Variants in CA6 observed in about 807,000 individuals in gnomAD.
The protein encoded by CA6 is carbonic anhydrase 6.
CA6 carries 28 observed loss-of-function variants against 35.9 expected under a neutral mutation model. The ratio of observed to expected loss-of-function variants is 0.78; its 90% CI spans 0.58 to 1.07. CA6 has a LOEUF of 1.07. CA6 is among the 50% of genes least tolerant of loss of function. The pLI is 0.00. For synonymous variants in CA6, 148 were observed against 152.6 expected (o/e 0.97, Z 0.22); for missense variants, 377 against 382.0 (o/e 0.99, Z 0.11).
chr1:8,960,785 C>T (rs993702107), intron 4 of CA6, among the ~76,000 whole-genome samples: 1,809 of 98,140 alleles, frequency 0.018, 29 homozygotes, highest in Middle Eastern at 0.039. Context: ...CACACACACA[C>T]ACACATATAT....
At chr1:8,955,119 A>G (rs546938269) in intron 2 of CA6, among the ~76,000 whole-genome samples, 6 of 151,896 alleles carry the variant, frequency 4.0e-5, no homozygotes, top group Admixed American at 3.3e-4. Flanking sequence ...GCTCACCTAT[A>G]ATCCCAGCAC....
Position 8,948,659 on chromosome 1 carries a change from A to G in CA6, c.80-604A>G, listed in dbSNP as rs145843404. Among the ~76,000 whole-genome samples the G allele has an allele frequency of 7.5e-4, 114 of 152,076 alleles. 3 individuals carry two copies. In the East Asian group the frequency reaches 0.019, roughly 25 times the overall value. On this transcript the variant is annotated intron_variant, in intron 1 of 7. Coordinates refer to ENST00000377443, the MANE Select transcript of CA6 (RefSeq NM_001215.4). ...ACCAGCTGGAAATAAGTCAAACGAG[A>G]GCAAAAATTTACGTATAAAACACTC...
intron 2 of CA6, among the ~76,000 whole-genome samples, chr1:8,954,094 A>T (rs1407596710): frequency 6.6e-6 from 1 of 152,142 alleles, no homozygotes; most frequent in Non-Finnish European, 1.5e-5. Flanking sequence ...TAATTAAGAC[A>T]TAACCATAAA....
At position 8,958,991 on chromosome 1, in the gene CA6, G is replaced by A. The variant is rs1370719677; in HGVS notation, c.490G>A (p.Ala164Thr). The A allele has an allele frequency of 6.2e-7, 1 of 1,607,786 alleles. No individual in the cohort carries two copies. The highest frequency in any genetic ancestry group is 8.5e-7 in the Non-Finnish European group (1 of 1,174,520). ...DAPDGLAVLA[A>T]FVEVKNYPEN... Reference sequence around the variant, plus strand: ...GCCGGATGGTTTGGCTGTACTGGCAGCCTTCGTTGAGGTAAGCAGAAACTA... The same window carrying A: ...GCCGGATGGTTTGGCTGTACTGGCAACCTTCGTTGAGGTAAGCAGAAACTA... Residue 164 changes from alanine (A) to threonine (T), a missense_variant, in exon 4 of 8, where the codon GCC (alanine) becomes ACC (threonine). Physicochemically the swap from Ala to Thr is moderately conservative, Grantham distance 58. Transcript: ENST00000377443.
rs762308861 is a variant in CA6, at chr1:8,967,850, C to T, written c.729+34C>T. The T allele has an allele frequency of 2.5e-6, 4 of 1,600,390 alleles. No individual in the cohort carries two copies. The Admixed American group carries it at 6.8e-5, about 27-fold the overall frequency. On this transcript the variant is annotated intron_variant, in intron 6 of 7. Transcript: ENST00000377443. ...TGGTATCACTTTGCCGAAGTCTTCC[C>T]ATTCGATTGCCTGGTTAACAAGGGT...
In CA6 at chr1:8,963,429, G is replaced by A. The variant is rs1639895016; in HGVS notation, c.571+773G>A. ...CCTCCACCCCTCCACAAACTCACCT[G>A]GCAAATCTCCAGACCAACTCTGGAG... is the stretch of plus-strand genomic sequence containing the variant. On this transcript the variant is annotated intron_variant, in intron 5 of 7. Coordinates refer to ENST00000377443, the MANE Select transcript of CA6 (RefSeq NM_001215.4). The surrounding 1 kb of genome is among the most constrained non-coding windows in gnomAD (Gnocchi z 4.1). 6.6e-6 allele frequency among the ~76,000 whole-genome samples: 1 copy of A among 152,030 alleles called. No individual in the cohort carries two copies. The highest frequency in any genetic ancestry group is 2.4e-5 in the African/African-American group (1 of 41,370).
intron 2 of CA6, among the ~76,000 whole-genome samples, chr1:8,952,805 T>C (rs1639574209): frequency 6.6e-6 from 1 of 151,972 alleles, no homozygotes; most frequent in Admixed American, 6.6e-5. Context: ...TACAGGCATG[T>C]GCCACCACGC....
At chr1:8,971,311 C>CTTTT (rs1254140549) in intron 7 of CA6, among the ~76,000 whole-genome samples, 2 of 137,936 alleles carry the variant, frequency 1.4e-5, no homozygotes, top group Non-Finnish European at 1.6e-5. Context: ...TCAAGTTAAC[C>CTTTT]TTTTTTTTTT....
intron 7 of CA6, among the ~76,000 whole-genome samples, chr1:8,973,771 TCTTTC>T (rs1640187259): frequency 5.1e-5 from 1 of 19,800 alleles, no homozygotes; most frequent in Admixed American, 6.0e-4. Context: ...TTTCTTTCTT[TCTTTC>T]TTTCTTTCTT....
chr1:8,948,569 G>A (rs1356841574), intron 1 of CA6, among the ~76,000 whole-genome samples: 1 of 152,050 alleles, frequency 6.6e-6, no homozygotes, highest in African/African-American at 2.4e-5. Context: ...CCCTTGGGAG[G>A]AAATGAGGAA....
chr1:8,973,772 CT>C (rs775594831), intron 7 of CA6, among the ~76,000 whole-genome samples: 830 of 20,010 alleles, frequency 0.041, 69 homozygotes, highest in African/African-American at 0.26. Flanking sequence ...TTCTTTCTTT[CT>C]TTCTTTCTTT....
intron 4 of CA6, among the ~76,000 whole-genome samples, chr1:8,960,787 C>CATATATAT (rs1491277382): frequency 1.1e-3 from 102 of 94,994 alleles, no homozygotes; most frequent in Non-Finnish European, 1.4e-3. Flanking sequence ...CACACACACA[C>CATATATAT]ACATATATAT....
chr1:8,972,865 C>A (rs929337836), intron 7 of CA6, among the ~76,000 whole-genome samples: 2 of 152,060 alleles, frequency 1.3e-5, no homozygotes, highest in South Asian at 4.1e-4. Flanking sequence ...ACAATACTAA[C>A]AGAAGAAAAA....
intron 5 of CA6, among the ~76,000 whole-genome samples, chr1:8,965,850 G>A (rs985201936): frequency 6.7e-6 from 1 of 150,282 alleles, no homozygotes; most frequent in African/African-American, 2.5e-5. Flanking sequence ...TTGTGCCACT[G>A]CACTCCAGTC....
At chr1:8,961,599 A>G (rs1639843998) in intron 4 of CA6, among the ~76,000 whole-genome samples, 1 of 152,226 alleles carries the variant, frequency 6.6e-6, no homozygotes. Flanking sequence ...AACACAAAAG[A>G]AGGCAGTAAA....
intron 6 of CA6, among the ~76,000 whole-genome samples, chr1:8,968,950 G>A (rs1181927213): frequency 1.3e-5 from 2 of 151,720 alleles, no homozygotes; most frequent in Non-Finnish European, 2.9e-5. Context: ...CCTGGGACGT[G>A]GAGGTTGCAG....
intron 7 of CA6, among the ~76,000 whole-genome samples, chr1:8,971,535 T>C (rs935422404): frequency 2.6e-5 from 4 of 151,760 alleles, no homozygotes; most frequent in Admixed American, 2.6e-4. Flanking sequence ...GGTCCCAAAC[T>C]CCTGACCTCA....
At chr1:8,957,515 A>G (rs1194524899) in intron 3 of CA6, among the ~76,000 whole-genome samples, 2 of 152,020 alleles carry the variant, frequency 1.3e-5, no homozygotes, top group East Asian at 3.9e-4. Flanking sequence ...TAAGTTTTGT[A>G]TTTTTAGTAG....
chr1:8,955,379 T>C (rs1307655197), intron 2 of CA6, among the ~76,000 whole-genome samples: 1 of 151,980 alleles, frequency 6.6e-6, no homozygotes, highest in East Asian at 1.9e-4. Context: ...CTGCCTCAAT[T>C]AAAATCTTTT....
Sources: gnomAD v4.1 joint callset for allele counts (sites outside exome capture counted in the v4.1 genomes callset) on GRCh38, gnomAD v4.1.1 for gene constraint, Gnocchi (gnomAD v3.1) non-coding constraint, MANE v1.5 for transcripts, NCBI Gene and HGNC (gene_info 2026-07-23, HGNC 2026-07-21) for gene names.